HMGB1: variants seen among roughly 807,000 people sequenced by gnomAD.
HMGB1 encodes the protein high mobility group box 1, also known as high mobility group protein B1.
For synonymous variants in HMGB1, 81 were observed against 84.0 expected, an observed-to-expected ratio of 0.96 and a Z score of 0.19; for missense variants, 79 against 253.5, an observed-to-expected ratio of 0.31 and a Z score of 4.67.
chr13:30,510,950 A>G (rs1421531415), intron 1 of HMGB1, among the ~76,000 whole-genome samples: 1 of 152,154 alleles, frequency 6.6e-6, no homozygotes, highest in East Asian at 1.9e-4. Flanking sequence ...AAGATGTTTG[A>G]GAAGAGAGTC....
chr13:30,554,408 G>A (rs1392687215), intron 1 of HMGB1: 1 of 821,182 alleles, frequency 1.2e-6, no homozygotes, highest in Non-Finnish European at 2.2e-6. Flanking sequence ...CATTAAACAA[G>A]TGTTATTGAA....
intron 1 of HMGB1, among the ~76,000 whole-genome samples, chr13:30,578,368 CTTTTTTTT>C (rs60947686): frequency 1.7e-5 from 1 of 59,318 alleles, no homozygotes; most frequent in South Asian, 6.7e-4. Context: ...AGTTCTTGTT[CTTTTTTTT>C]TTTTTTTTTT....
In HMGB1 at chr13:30,458,573, C is replaced by G. The variant is rs1429630709; in HGVS notation, c.*2784G>C. 6.6e-6 allele frequency: 1 copy of G among 152,232 alleles called. No individual in the cohort carries two copies. The highest frequency in any genetic ancestry group is 1.9e-4 in the East Asian group (1 of 5,192). The allele number at this position is 152,232 out of a possible 1,614,324, so 9.4% of individuals were successfully genotyped here. A position where few individuals can be genotyped will look rare whatever the true frequency, so the allele number is the denominator to read the frequency against. On this transcript the variant is annotated 3_prime_UTR_variant, in exon 5 of 5. Transcript: ENST00000341423. The stretch of plus-strand genomic sequence containing the variant: ...CTCAATCTCCTGACCTCGTGATCTG[C>G]CCGCCTTGGCCTCCCAAAGTGCTGG...
chr13:30,539,119 A>G (rs1868739946), intron 1 of HMGB1, among the ~76,000 whole-genome samples: 1 of 152,060 alleles, frequency 6.6e-6, no homozygotes, highest in Non-Finnish European at 1.5e-5. Flanking sequence ...ATGGTCTCCA[A>G]TTCCTGACCT....
chr13:30,611,598 G>A (rs902461024), intron 1 of HMGB1, among the ~76,000 whole-genome samples: 57 of 151,934 alleles, frequency 3.8e-4, no homozygotes, highest in Non-Finnish European at 2.9e-5. Flanking sequence ...TTCCTCCATA[G>A]CTTCTACAAA....
At chr13:30,512,255 G>T (rs1398159454) in intron 1 of HMGB1, among the ~76,000 whole-genome samples, 1 of 152,166 alleles carries the variant, frequency 6.6e-6, no homozygotes, top group African/African-American at 2.4e-5. Flanking sequence ...CAAAATCTGG[G>T]AGTAATATCA....
At position 30,544,896 on chromosome 13, in the gene HMGB1, C is replaced by T. The variant is rs74351880; in HGVS notation, c.-15+71775G>A. On this transcript the variant is annotated intron_variant, in intron 1 of 4. Coordinates refer to the HMGB1 transcript ENST00000405805. The stretch of plus-strand genomic sequence containing the variant: ...CAATCCAGGACAGGCAGAGAACTGG[C>T]GCTTACTGTGCTCTGTTGGAATTCA... 7.8e-3 allele frequency among the ~76,000 whole-genome samples: 1,189 copies of T among 152,256 alleles called. 20 individuals carry two copies. The highest frequency in any genetic ancestry group is 0.028 in the African/African-American group (1,151 of 41,548).
At chr13:30,568,287 G>A (rs1173376299) in intron 1 of HMGB1, among the ~76,000 whole-genome samples, 1 of 152,174 alleles carries the variant, frequency 6.6e-6, no homozygotes, top group South Asian at 2.1e-4. Flanking sequence ...TGGGAGAATC[G>A]TTGGAGCCCA....
In HMGB1 at chr13:30,464,516, G is replaced by A. The variant is rs908770650; in HGVS notation, c.-14-822C>T. The A allele has an allele frequency of 3.6e-5, 35 of 978,260 alleles. No homozygotes were observed. In the South Asian group the frequency reaches 1.6e-3, roughly 43 times the overall value. The allele number at this position is 978,260 out of a possible 1,614,324, so 60.6% of individuals were successfully genotyped here. ...TCGCCGGTGGCCGCGCGGCCGAGGA[G>A]AGAGGACGCGGCCCGGCTCCCAGGC... On this transcript the variant is annotated intron_variant, in intron 1 of 4. Transcript: ENST00000341423.
At chr13:30,542,074 C>T (rs1868918461) in intron 1 of HMGB1, 1 of 153,786 alleles carries the variant, frequency 6.5e-6, no homozygotes, top group Non-Finnish European at 1.5e-5. Flanking sequence ...GCCTCCTGCT[C>T]CTCCTGACTC....
chr13:30,518,998 A>C (rs975004754), intron 1 of HMGB1, among the ~76,000 whole-genome samples: 2 of 151,944 alleles, frequency 1.3e-5, no homozygotes, highest in Admixed American at 1.3e-4. Context: ...GGTTGGGATT[A>C]TGGGTGTGAG....
At chr13:30,512,707 A>C (rs1480356463) in intron 1 of HMGB1, among the ~76,000 whole-genome samples, 2 of 152,184 alleles carry the variant, frequency 1.3e-5, no homozygotes, top group African/African-American at 4.8e-5. Flanking sequence ...AATAATAATG[A>C]TAATTAACAA....
intron 1 of HMGB1, among the ~76,000 whole-genome samples, chr13:30,479,197 T>C (rs1001141395): frequency 6.6e-6 from 1 of 152,230 alleles, no homozygotes; most frequent in Non-Finnish European, 1.5e-5. Flanking sequence ...CTAATAGCTA[T>C]TCATTCTTTC....
chr13:30,576,165 A>AT (rs546197680), intron 1 of HMGB1, among the ~76,000 whole-genome samples: 7 of 152,016 alleles, frequency 4.6e-5, no homozygotes, highest in Admixed American at 6.5e-5. Context: ...ATTTAGTGTA[A>AT]TTTTTTTTAT....
chr13:30,475,197 G>T (rs150678907), intron 1 of HMGB1, among the ~76,000 whole-genome samples: 1 of 113,556 alleles, frequency 8.8e-6, no homozygotes, highest in Non-Finnish European at 1.7e-5. Context: ...GCAGTGATGC[G>T]ACTTCAGCTC....
intron 1 of HMGB1, among the ~76,000 whole-genome samples, chr13:30,556,006 C>T (rs1869671038): frequency 6.6e-6 from 1 of 152,164 alleles, no homozygotes; most frequent in Non-Finnish European, 1.5e-5. Context: ...GGAGAAGTGT[C>T]CAAAAGTTTC....
chr13:30,500,068 A>G (rs1366471996), intron 1 of HMGB1, among the ~76,000 whole-genome samples: 2 of 152,162 alleles, frequency 1.3e-5, no homozygotes, highest in Non-Finnish European at 2.9e-5. Flanking sequence ...TGAGTTCTCG[A>G]GGGAGTGAAT....
At chr13:30,576,665 C>T (rs980505003) in intron 1 of HMGB1, among the ~76,000 whole-genome samples, 1 of 151,870 alleles carries the variant, frequency 6.6e-6, no homozygotes, top group Non-Finnish European at 1.5e-5. Flanking sequence ...CATCCACACA[C>T]GTCGCTGCCT....
At chr13:30,534,680 C>G (rs1400140048) in intron 1 of HMGB1, among the ~76,000 whole-genome samples, 1 of 140,094 alleles carries the variant, frequency 7.1e-6, no homozygotes, top group Non-Finnish European at 1.5e-5. Context: ...CAGGTTCAAA[C>G]TATTCTCCTG....
Sources: gnomAD v4.1 joint callset for allele counts (sites outside exome capture counted in the v4.1 genomes callset) on GRCh38, gnomAD v4.1.1 for gene constraint, MANE v1.5 for transcripts, NCBI Gene and HGNC (gene_info 2026-07-23, HGNC 2026-07-21) for gene names.